ADAM7: variants seen among roughly 807,000 people sequenced by gnomAD.
The protein encoded by ADAM7 is disintegrin and metalloproteinase domain-containing protein 7.
ADAM7 carries 97 observed loss-of-function variants against 102.9 expected under a neutral mutation model. The ratio of observed to expected loss-of-function variants is 0.94; its 90% CI spans 0.80 to 1.12. ADAM7 has a LOEUF of 1.12. Among genes scored for constraint, ADAM7 ranks in the 50% most tolerant of loss-of-function variants. The probability of loss-of-function intolerance (pLI) is 0.00; values close to 1 mark genes in which losing one functional copy is unlikely to be tolerated. For missense variants in ADAM7, 991 were observed against 908.7 expected, an observed-to-expected ratio of 1.09 and a Z score of -1.16; for synonymous variants, 334 against 304.4, an observed-to-expected ratio of 1.10 and a Z score of -1.01.
chr8:24,483,116 G>A (rs1034939130), intron 9 of ADAM7, among the ~76,000 whole-genome samples: 2 of 152,136 alleles, frequency 1.3e-5, no homozygotes, highest in South Asian at 2.1e-4. Flanking sequence ...ACCTGTCAGA[G>A]CTTTAATATT....
At chr8:24,466,201 A>G (rs983970997) in intron 5 of ADAM7, among the ~76,000 whole-genome samples, 1 of 152,174 alleles carries the variant, frequency 6.6e-6, no homozygotes, top group Non-Finnish European at 1.5e-5. Context: ...TTAGCTTTTT[A>G]CTAAATTGAG....
Position 24,475,629 on chromosome 8 carries a change from T to C in ADAM7, c.634-804T>C, listed in dbSNP as rs181631195. Among the ~76,000 whole-genome samples the C allele has an allele frequency of 9.9e-5, 15 of 152,190 alleles. No individual in the cohort carries two copies. In the East Asian group the frequency reaches 1.4e-3, roughly 14 times the overall value. On this transcript the variant is annotated intron_variant, in intron 7 of 21. Transcript: ENST00000175238. ...AGATTGAAGAGATTCTAATGCTATA[T>C]CTTAGCAGTATTTTGATCTTTAAGG...
rs145167834 is a variant in ADAM7 at position 24,447,248 on chromosome 8, T to C, written c.219T>C (p.His73=). ...IKLNRKTLVL[H]LLRSREFLGS... is the part of the protein sequence containing the mutation. ...TAAATAGAAAAACCTTAGTCCTTCA[T>C]CTTCTAAGATCCAGGTAAGTTCTAT... is the stretch of plus-strand genomic sequence containing the variant. Residue 73 remains histidine, a synonymous_variant, in exon 3 of 22, where the codon CAT becomes CAC. Coordinates refer to ENST00000175238, the MANE Select transcript of ADAM7 (RefSeq NM_003817.4). 1.4e-4 allele frequency: 218 copies of C among 1,516,700 alleles called. 1 individual carries two copies. Among genetic ancestry groups the C allele is most frequent in the Middle Eastern group, 1.7e-4 (1 of 5,730 alleles). 94.0% of individuals were successfully genotyped at this position (1,516,700 alleles called of 1,614,324 possible).
At chr8:24,443,959 TAAAA>T (rs1308615506) in intron 2 of ADAM7, among the ~76,000 whole-genome samples, 1 of 150,196 alleles carries the variant, frequency 6.7e-6, no homozygotes. Flanking sequence ...TAAAATAAAA[TAAAA>T]TAAAATAAAA....
At chr8:24,499,386 G>A (rs779275141) in intron 17 of ADAM7, 70 bp downstream of exon 17, 26 of 1,191,932 alleles carry the variant, frequency 2.2e-5, no homozygotes, top group Non-Finnish European at 3.1e-5. Flanking sequence ...CAGCCTATAT[G>A]TGCATGTATA....
chr8:24,486,163 C>A (rs922554905), intron 10 of ADAM7, among the ~76,000 whole-genome samples: 1 of 152,136 alleles, frequency 6.6e-6, no homozygotes, highest in African/African-American at 2.4e-5. Flanking sequence ...CTATTATAAT[C>A]ACTCCAGGAC....
At chr8:24,477,554 G>C (rs1319504609) in intron 8 of ADAM7, among the ~76,000 whole-genome samples, 5 of 138,874 alleles carry the variant, frequency 3.6e-5, no homozygotes, top group Non-Finnish European at 8.1e-5. Flanking sequence ...TGTGTCCCTT[G>C]GGCATACCCT....
chr8:24,501,791 A>G (rs1396832172), intron 20 of ADAM7, among the ~76,000 whole-genome samples: 1 of 152,130 alleles, frequency 6.6e-6, no homozygotes. Flanking sequence ...CCAAGATACT[A>G]TATCAGAGCA....
At chr8:24,443,224 A>G (rs951530701) in intron 2 of ADAM7, among the ~76,000 whole-genome samples, 1 of 152,152 alleles carries the variant, frequency 6.6e-6, no homozygotes, top group African/African-American at 2.4e-5. Context: ...CTCATAGAGA[A>G]TACTGACAGG....
intron 3 of ADAM7, among the ~76,000 whole-genome samples, chr8:24,448,707 G>A (rs1477773238): frequency 3.3e-5 from 5 of 151,664 alleles, no homozygotes; most frequent in Non-Finnish European, 7.4e-5. Context: ...TAGGGTACAT[G>A]TGCACAATGT....
chr8:24,509,408 C>T lies in ADAM7; in HGVS notation c.*862C>T. ...TTTCAGCTGCTTCTTACACAGATGC[C>T]TCTCAAGGTGTTCTTTTGTGTCCTC... On this transcript the variant is annotated 3_prime_UTR_variant, in exon 22 of 22. Coordinates refer to ENST00000175238, the MANE Select transcript of ADAM7 (RefSeq NM_003817.4). 1.0e-6 allele frequency: 1 copy of T among 985,376 alleles called. No homozygotes were observed. The highest frequency in any genetic ancestry group is 1.2e-6 in the Non-Finnish European group (1 of 829,892). 61.0% of individuals were successfully genotyped at this position (985,376 alleles called of 1,614,324 possible).
intron 7 of ADAM7, 145 bp downstream of exon 7, chr8:24,468,965 T>A: frequency 1.4e-6 from 1 of 692,470 alleles, no homozygotes; most frequent in Non-Finnish European, 2.3e-6. Context: ...CAGACATACA[T>A]AAGAGATTAT....
At position 24,451,080 on chromosome 8, in the gene ADAM7, A is replaced by T. The variant is rs566117715; in HGVS notation, c.233+3818A>T. Reference sequence around the variant, plus strand: ...CATTTTATTGAGGATTTTTGCATCAATGTTCATCAAGGATATTGGTCTAAA... The same window carrying T: ...CATTTTATTGAGGATTTTTGCATCATTGTTCATCAAGGATATTGGTCTAAA... On this transcript the variant is annotated intron_variant, in intron 3 of 21. Transcript: ENST00000175238. 1.7e-3 allele frequency among the ~76,000 whole-genome samples: 255 copies of T among 149,662 alleles called. 3 individuals carry two copies. The highest frequency in any genetic ancestry group is 5.8e-3 in the African/African-American group (235 of 40,672).
chr8:24,476,870 G>GT (rs1468560020), intron 8 of ADAM7, among the ~76,000 whole-genome samples: 2 of 152,092 alleles, frequency 1.3e-5, no homozygotes, highest in Non-Finnish European at 2.9e-5. Context: ...GTTGTCCATG[G>GT]TTTGGCATAG....
rs572820698 is a variant in ADAM7, at chr8:24,490,573, A to G, written c.1267-226A>G. 173 of 484,758 alleles carry G rather than the reference A, an allele frequency of 3.6e-4. 1 individual carries two copies. Among genetic ancestry groups the G allele is most frequent in the African/African-American group, 2.9e-3 (151 of 51,572 alleles). The allele number at this position is 484,758 out of a possible 1,614,324, so 30.0% of individuals were successfully genotyped here. A position where few individuals can be genotyped will look rare whatever the true frequency, so the allele number is the denominator to read the frequency against. On this transcript the variant is annotated intron_variant, in intron 12 of 21. Coordinates refer to ENST00000175238, the MANE Select transcript of ADAM7 (RefSeq NM_003817.4). ...AATGTTGGACTCTCTAATTCTGTCA[A>G]TGAGAATCCATTACCCGTAATGTAC...
intron 3 of ADAM7, among the ~76,000 whole-genome samples, chr8:24,452,493 C>T (rs139816194): frequency 0.045 from 6,751 of 151,264 alleles, 213 homozygotes; most frequent in African/African-American, 0.062. Context: ...TTTTGTTTTC[C>T]GTTTGTTTGG....
chr8:24,478,837 T>C (rs1046855043), intron 8 of ADAM7, among the ~76,000 whole-genome samples: 2 of 152,170 alleles, frequency 1.3e-5, no homozygotes, highest in Non-Finnish European at 2.9e-5. Flanking sequence ...TATAGGATAG[T>C]AGAGTCTAAG....
In ADAM7 at chr8:24,508,594, T is replaced by A; in HGVS notation, c.*48T>A. ...TGGCCGTGCAAGCTTAGGCTGGGGA[T>A]TCTGGATGCAACGTCTTTACAACCT... On this transcript the variant is annotated 3_prime_UTR_variant, in exon 22 of 22. Transcript: ENST00000175238. 1 of 1,613,168 alleles carries A rather than the reference T, an allele frequency of 6.2e-7. No individual in the cohort carries two copies. Among genetic ancestry groups the A allele is most frequent in the Admixed American group, 1.7e-5 (1 of 59,950 alleles).
chr8:24,468,355 A>G (rs1819497538), intron 6 of ADAM7, among the ~76,000 whole-genome samples: 1 of 152,130 alleles, frequency 6.6e-6, no homozygotes, highest in South Asian at 2.1e-4. Context: ...ATTTGACCTG[A>G]AAGCCTAAAC....
Sources: allele counts gnomAD v4.1 joint callset (sites outside exome capture counted in the v4.1 genomes callset), GRCh38; gene constraint gnomAD v4.1.1; transcripts MANE v1.5; gene names NCBI Gene and HGNC (gene_info 2026-07-23, HGNC 2026-07-21).